The following GPC5 variants were observed in gnomAD, a reference collection of about 807,000 sequenced individuals.
The protein encoded by GPC5 is glypican 5.
Under a neutral mutation model 53.9 loss-of-function variants are expected in GPC5, and 47 were observed. The ratio of observed to expected loss-of-function variants is 0.87; its 90% CI spans 0.69 to 1.11. The LOEUF is 1.11. Ranked by LOEUF, GPC5 falls within the 50% of genes most tolerant of loss-of-function variation. The pLI is 0.00. For missense variants in GPC5, 748 were observed against 713.1 expected, an observed-to-expected ratio of 1.05 and a Z score of -0.56; for synonymous variants, 286 against 263.3, an observed-to-expected ratio of 1.09 and a Z score of -0.84.
chr13:92,717,453 G>T (rs998556031), intron 7 of GPC5, among the ~76,000 whole-genome samples: 1 of 152,042 alleles, frequency 6.6e-6, no homozygotes, highest in South Asian at 2.1e-4. Context: ...GATATTTAAA[G>T]AAACAATTTT....
intron 7 of GPC5, among the ~76,000 whole-genome samples, chr13:92,242,263 C>T (rs2042618570): frequency 6.6e-6 from 1 of 150,972 alleles, no homozygotes; most frequent in Non-Finnish European, 1.5e-5. Context: ...TTATTCAGTT[C>T]ACCAAGCCCA....
intron 6 of GPC5, among the ~76,000 whole-genome samples, chr13:91,920,154 A>G (rs547713536): frequency 2.0e-5 from 3 of 152,228 alleles, no homozygotes; most frequent in Admixed American, 6.5e-5. Flanking sequence ...TACAGAAAAC[A>G]GACAGTACAG....
intron 3 of GPC5, among the ~76,000 whole-genome samples, chr13:91,705,704 C>A (rs981318830): frequency 2.0e-5 from 3 of 147,536 alleles, no homozygotes; most frequent in South Asian, 2.2e-4. Flanking sequence ...CCCCCCCCCC[C>A]ATATTTCCAA....
At chr13:92,031,560 C>CT (rs1055442643) in intron 6 of GPC5, among the ~76,000 whole-genome samples, 11 of 148,608 alleles carry the variant, frequency 7.4e-5, no homozygotes, top group African/African-American at 2.2e-4. Flanking sequence ...TTCTTTCTTT[C>CT]TTTTTTTATT....
intron 6 of GPC5, among the ~76,000 whole-genome samples, chr13:92,063,031 T>A (rs779472636): frequency 6.6e-6 from 1 of 152,070 alleles, no homozygotes; most frequent in Non-Finnish European, 1.5e-5. Flanking sequence ...TGGTCTGTTC[T>A]ACTTTCAGAA....
chr13:92,730,125 T>C (rs1466204730), intron 7 of GPC5, among the ~76,000 whole-genome samples: 1 of 151,450 alleles, frequency 6.6e-6, no homozygotes, highest in African/African-American at 2.4e-5. Flanking sequence ...CATTATATGC[T>C]GAAAGAAAGG....
At chr13:92,196,484 T>TCAGCCCTAAAATATAATTA (rs1254254607) in intron 7 of GPC5, among the ~76,000 whole-genome samples, 1 of 152,178 alleles carries the variant, frequency 6.6e-6, no homozygotes, top group African/African-American at 2.4e-5. Context: ...CTATATTTAA[T>TCAGCCCTAAAATATAATTA]CAGCCCTAAA....
chr13:92,253,082 C>A (rs1322157332), intron 7 of GPC5, among the ~76,000 whole-genome samples: 1 of 152,022 alleles, frequency 6.6e-6, no homozygotes. Flanking sequence ...TTTAATTGAG[C>A]CTGCTAAGAT....
intron 2 of GPC5, among the ~76,000 whole-genome samples, chr13:91,475,329 G>C (rs1040342571): frequency 6.6e-6 from 1 of 152,156 alleles, no homozygotes; most frequent in Non-Finnish European, 1.5e-5. Context: ...AGGCAATGCC[G>C]ATGCTGTTAT....
chr13:92,235,087 A>C (rs2042560517), intron 7 of GPC5, among the ~76,000 whole-genome samples: 4 of 152,154 alleles, frequency 2.6e-5, no homozygotes, highest in Admixed American at 2.6e-4. Flanking sequence ...ACATGAACTC[A>C]ATCAAAAAAA....
chr13:91,916,479 A>G (rs1368747741), intron 6 of GPC5, among the ~76,000 whole-genome samples: 1 of 152,212 alleles, frequency 6.6e-6, no homozygotes, highest in African/African-American at 2.4e-5. Flanking sequence ...AAAACAGTGG[A>G]TATGCTACAA....
chr13:91,620,722 G>C (rs991074282), intron 2 of GPC5, among the ~76,000 whole-genome samples: 1 of 152,100 alleles, frequency 6.6e-6, no homozygotes, highest in African/African-American at 2.4e-5. Flanking sequence ...TAGTGAGCCT[G>C]TTATTTGTCA....
chr13:92,589,689 G>A (rs1883656660), intron 7 of GPC5, among the ~76,000 whole-genome samples: 1 of 152,068 alleles, frequency 6.6e-6, no homozygotes, highest in South Asian at 2.1e-4. Flanking sequence ...AACAAATAAG[G>A]TAATCAGGTC....
At chr13:92,081,902 G>T (rs1433981077) in intron 6 of GPC5, among the ~76,000 whole-genome samples, 1 of 152,038 alleles carries the variant, frequency 6.6e-6, no homozygotes. Context: ...CCTGTGACAT[G>T]AACATAATAG....
At position 91,518,848 on chromosome 13, in the gene GPC5, C is replaced by T. The variant is rs112232491; in HGVS notation, c.325+69926C>T. Among the ~76,000 whole-genome samples, 702 of 152,254 alleles carry T rather than the reference C, an allele frequency of 4.6e-3. 4 individuals are homozygous for T. The highest frequency in any genetic ancestry group is 0.016 in the African/African-American group (655 of 41,552). On this transcript the variant is annotated intron_variant, in intron 2 of 7. Coordinates refer to ENST00000377067, the MANE Select transcript of GPC5 (RefSeq NM_004466.6). ...GATTACAGGTGTGAGCCACCACACCCGGCTCAATTTCAGCTTTCTAAAGAG... is the reference window on the plus strand; with the variant it reads ...GATTACAGGTGTGAGCCACCACACCTGGCTCAATTTCAGCTTTCTAAAGAG...
intron 7 of GPC5, among the ~76,000 whole-genome samples, chr13:92,496,621 G>A (rs1879989490): frequency 6.6e-6 from 1 of 152,156 alleles, no homozygotes; most frequent in South Asian, 2.1e-4. Flanking sequence ...AGCCATACTA[G>A]TCTTGGGTGT....
At chr13:92,032,446 TA>T (rs61099950) in intron 6 of GPC5, among the ~76,000 whole-genome samples, 5,599 of 142,842 alleles carry the variant, frequency 0.039, 145 homozygotes, top group Middle Eastern at 0.056. Context: ...AATAAAAATT[TA>T]AAAAAAAAAA....
At chr13:91,432,207 GTGT>G (rs1286859563) in intron 1 of GPC5, among the ~76,000 whole-genome samples, 21,495 of 119,468 alleles carry the variant, frequency 0.18, 1,640 homozygotes, top group East Asian at 0.31. Flanking sequence ...CTGCTGCTGT[GTGT>G]GTGTGTGTGT....
At chr13:92,057,990 G>A (rs2041090207) in intron 6 of GPC5, among the ~76,000 whole-genome samples, 1 of 152,020 alleles carries the variant, frequency 6.6e-6, no homozygotes, top group Admixed American at 6.6e-5. Context: ...AGTCTCATAG[G>A]TCCTTTTGAG....
Sources: allele counts gnomAD v4.1 joint callset (sites outside exome capture counted in the v4.1 genomes callset), GRCh38; gene constraint gnomAD v4.1.1; transcripts MANE v1.5; gene names NCBI Gene and HGNC (gene_info 2026-07-23, HGNC 2026-07-21).